Variants in BTBD10 observed in about 807,000 individuals in gnomAD.
BTBD10 encodes the protein BTB/POZ domain-containing protein 10.
A neutral mutation model predicts 53.2 loss-of-function variants in BTBD10; 21 were observed. The observed-to-expected ratio is 0.39, with a 90% CI of 0.28 to 0.57. The LOEUF is 0.57. Ranked by LOEUF, BTBD10 falls within the 20% of genes least tolerant of loss-of-function variation. The pLI is 0.53. For missense variants in BTBD10, 360 were observed against 594.7 expected, an observed-to-expected ratio of 0.61 and a Z score of 4.10; for synonymous variants, 149 against 192.7, an observed-to-expected ratio of 0.77 and a Z score of 1.88.
intron 1 of BTBD10, chr11:13,459,684 A>T (rs1324196173): frequency 3.3e-5 from 5 of 152,226 alleles, no homozygotes; most frequent in Non-Finnish European, 7.3e-5. Flanking sequence ...AACTGTAGGC[A>T]TTCCATTTCC....
chr11:13,446,008 T>C (rs1950743696), intron 1 of BTBD10, among the ~76,000 whole-genome samples: 1 of 152,124 alleles, frequency 6.6e-6, no homozygotes, highest in South Asian at 2.1e-4. Context: ...TGCTGCTAAA[T>C]GGTATTATAA....
chr11:13,441,760 T>C (rs944600595), intron 2 of BTBD10, among the ~76,000 whole-genome samples: 1 of 152,132 alleles, frequency 6.6e-6, no homozygotes, highest in Non-Finnish European at 1.5e-5. Context: ...AGATTAGCTA[T>C]AAAAACTAAA....
chr11:13,457,145 G>A (rs1015361418), intron 1 of BTBD10, among the ~76,000 whole-genome samples: 7 of 151,988 alleles, frequency 4.6e-5, no homozygotes, highest in African/African-American at 1.7e-4. Flanking sequence ...CTAGGTGACA[G>A]AGTGAGACCC....
rs191851646 is a variant in BTBD10, at chr11:13,390,340, G to A, written c.1118-1199C>T. Among the ~76,000 whole-genome samples the A allele has an allele frequency of 1.4e-4, 21 of 151,944 alleles. No homozygotes were observed. In the East Asian group the frequency reaches 3.3e-3, roughly 24 times the overall value. ...AGAGAATACGTAAATGAATGAGCAC[G>A]TGTATGTTTTTCTTTTTTTTTTTTG... On this transcript the variant is annotated intron_variant, in intron 8 of 8. Transcript: ENST00000278174.
intron 1 of BTBD10, among the ~76,000 whole-genome samples, chr11:13,448,219 T>G (rs1448556646): frequency 6.6e-6 from 1 of 152,180 alleles, no homozygotes; most frequent in Non-Finnish European, 1.5e-5. Context: ...ACACCTCTCA[T>G]GATTCCATAT....
chr11:13,450,376 AT>A (rs1489320156), intron 1 of BTBD10, among the ~76,000 whole-genome samples: 1 of 152,180 alleles, frequency 6.6e-6, no homozygotes, highest in Middle Eastern at 3.2e-3. Flanking sequence ...CACAAAGTTA[AT>A]TTTGTACTAA....
At position 13,419,534 on chromosome 11, in the gene BTBD10, T is replaced by G. The variant is rs768183636; in HGVS notation, c.510A>C (p.Thr170=). The change falls in exon 4 of 9, where the codon ACA becomes ACC. Residue 170 remains threonine (T), a synonymous_variant. Transcript: ENST00000278174. ...ARNIRTSERV[T]LIVDNTRFVV... ...CAAATCTAGTGTTATCCACTATTAG[T>G]GTCACTCGTTCTGACGTTCTTATAT... 9 of 1,614,172 alleles carry G rather than the reference T, an allele frequency of 5.6e-6. No homozygotes were observed. Among genetic ancestry groups the G allele is most frequent in the Non-Finnish European group, 6.8e-6 (8 of 1,179,996 alleles).
chr11:13,453,067 A>G lies in BTBD10; in HGVS notation c.-57-7886T>C, dbSNP rs371683810. ...CCTTTCTCTCCCTGACATGATACAC[A>G]GTATTATTTGTCCTAGAAAAAATCT... On this transcript the variant is annotated intron_variant, in intron 1 of 8. Coordinates refer to ENST00000278174, the MANE Select transcript of BTBD10 (RefSeq NM_032320.7). Among the ~76,000 whole-genome samples, 12 of 152,276 alleles carry G rather than the reference A, an allele frequency of 7.9e-5. No homozygotes were observed. The East Asian group carries it at 2.1e-3, about 27-fold the overall frequency.
chr11:13,451,451 C>A (rs888187261), intron 1 of BTBD10, among the ~76,000 whole-genome samples: 1 of 152,056 alleles, frequency 6.6e-6, no homozygotes, highest in Non-Finnish European at 1.5e-5. Context: ...ACAATCTCTG[C>A]CCAAATTCTT....
chr11:13,393,465 C>T (rs1216753588), intron 8 of BTBD10, among the ~76,000 whole-genome samples: 5 of 152,062 alleles, frequency 3.3e-5, no homozygotes, highest in South Asian at 2.1e-4. Flanking sequence ...ATGGCTAACT[C>T]GGAAATCTCA....
rs377311480 is a variant in BTBD10 at position 13,433,500 on chromosome 11, C to T, written c.101+11524G>A. Among the ~76,000 whole-genome samples the T allele has an allele frequency of 7.8e-4, 118 of 152,256 alleles. 1 individual carries two copies. The highest frequency in any genetic ancestry group is 1.6e-3 in the African/African-American group (66 of 41,554). ...CTAACAAATACCAGATCCTCTGTTTCGGTTTTTTAAACTAAAGCTTTTAAA... is the reference window on the plus strand; with the variant it reads ...CTAACAAATACCAGATCCTCTGTTTTGGTTTTTTAAACTAAAGCTTTTAAA... On this transcript the variant is annotated intron_variant, in intron 2 of 8. Coordinates refer to ENST00000278174, the MANE Select transcript of BTBD10 (RefSeq NM_032320.7).
intron 1 of BTBD10, among the ~76,000 whole-genome samples, chr11:13,455,721 T>G (rs1464933108): frequency 1.3e-5 from 2 of 152,228 alleles, no homozygotes; most frequent in African/African-American, 4.8e-5. Context: ...AGCTGATGCC[T>G]AAATCAAAGG....
At chr11:13,394,979 T>C (rs1949503450) in intron 8 of BTBD10, among the ~76,000 whole-genome samples, 1 of 151,448 alleles carries the variant, frequency 6.6e-6, no homozygotes, top group Non-Finnish European at 1.5e-5. Flanking sequence ...TCTGTGCTAT[T>C]GTGAATAGTG....
intron 6 of BTBD10, among the ~76,000 whole-genome samples, chr11:13,407,321 G>A (rs1255040599): frequency 1.3e-5 from 2 of 152,016 alleles, no homozygotes; most frequent in Non-Finnish European, 2.9e-5. Flanking sequence ...TTCTGTATTC[G>A]AGATGCATTA....
At chr11:13,396,526 C>G (rs1045329309) in intron 8 of BTBD10, among the ~76,000 whole-genome samples, 1 of 152,140 alleles carries the variant, frequency 6.6e-6, no homozygotes, top group Non-Finnish European at 1.5e-5. Flanking sequence ...ACTGAATACC[C>G]TTTATTTCCT....
At chr11:13,446,103 T>G (rs144199162) in intron 1 of BTBD10, among the ~76,000 whole-genome samples, 1 of 152,152 alleles carries the variant, frequency 6.6e-6, no homozygotes, top group East Asian at 1.9e-4. Context: ...AATAGATGAT[T>G]TGACTTTCAG....
At chr11:13,413,461 A>C in intron 6 of BTBD10, 69 bp downstream of exon 6, 2 of 1,394,764 alleles carry the variant, frequency 1.4e-6, no homozygotes, top group South Asian at 3.1e-5. Context: ...AAATAGCACT[A>C]ATTTCAGGCT....
At chr11:13,414,410 T>C (rs1950042470) in intron 5 of BTBD10, among the ~76,000 whole-genome samples, 1 of 152,054 alleles carries the variant, frequency 6.6e-6, no homozygotes, top group Non-Finnish European at 1.5e-5. Flanking sequence ...TCTCAGAACT[T>C]TGGGAGGCCG....
Position 13,389,005 on chromosome 11 carries a change from C to T in BTBD10, c.1254G>A (p.Gln418=), listed in dbSNP as rs761903167. 3 of 1,613,996 alleles carry T rather than the reference C, an allele frequency of 1.9e-6. No individual in the cohort carries two copies. The highest frequency in any genetic ancestry group is 2.5e-6 in the Non-Finnish European group (3 of 1,180,060). The change falls in exon 9 of 9, where the codon CAG becomes CAA. Residue 418 remains glutamine, a synonymous_variant. Transcript: ENST00000278174. ...TGGTGATAGATTTACTCTTTACACA[C>T]TGAAAGTCTACATGCCGACTCTTTC... ...EEGKSRHVDF[Q]CVKSKSITNL...
Sources: allele counts gnomAD v4.1 joint callset (sites outside exome capture counted in the v4.1 genomes callset), GRCh38; gene constraint gnomAD v4.1.1; transcripts MANE v1.5; gene names NCBI Gene and HGNC (gene_info 2026-07-23, HGNC 2026-07-21).